The following SERPINB7 variants were observed in gnomAD, a reference collection of about 807,000 sequenced individuals.
SERPINB7 encodes serpin B7.
Under a neutral mutation model 37.4 loss-of-function variants are expected in SERPINB7, and 31 were observed. That is an observed-to-expected ratio of 0.83 (90% CI 0.62 to 1.12). The LOEUF is 1.12. Ranked by LOEUF, SERPINB7 falls within the 50% of genes most tolerant of loss-of-function variation. The pLI is 0.00. For synonymous variants in SERPINB7, 163 were observed against 166.1 expected, an observed-to-expected ratio of 0.98 and a Z score of 0.14; for missense variants, 521 against 455.3, an observed-to-expected ratio of 1.14 and a Z score of -1.31.
At chr18:63,784,596 C>T (rs964038614) in intron 2 of SERPINB7, among the ~76,000 whole-genome samples, 1 of 151,950 alleles carries the variant, frequency 6.6e-6, no homozygotes, top group Non-Finnish European at 1.5e-5. Flanking sequence ...GTTTCAGAAC[C>T]AAGTGAGATG....
chr18:63,766,038 T>A (rs2049179027), intron 1 of SERPINB7, among the ~76,000 whole-genome samples: 1 of 152,070 alleles, frequency 6.6e-6, no homozygotes, highest in East Asian at 1.9e-4. Flanking sequence ...CTGCTCTACC[T>A]CCTGCAGCCT....
At chr18:63,788,377 A>G (rs934152953) in intron 2 of SERPINB7, among the ~76,000 whole-genome samples, 1 of 152,234 alleles carries the variant, frequency 6.6e-6, no homozygotes, top group African/African-American at 2.4e-5. Context: ...AATTAAATAA[A>G]TACAGCTCAT....
intron 1 of SERPINB7, among the ~76,000 whole-genome samples, chr18:63,778,538 A>C (rs951915161): frequency 6.6e-6 from 1 of 152,180 alleles, no homozygotes; most frequent in Non-Finnish European, 1.5e-5. Flanking sequence ...TCAAGCATTT[A>C]AGGCACATAA....
At chr18:63,793,398 A>C in intron 4 of SERPINB7, 121 bp downstream of exon 4, 1 of 499,906 alleles carries the variant, frequency 2.0e-6, no homozygotes, top group Non-Finnish European at 3.6e-6. Context: ...GCTACTTATT[A>C]TGTTCTCAGA....
intron 1 of SERPINB7, among the ~76,000 whole-genome samples, chr18:63,769,184 G>A (rs1030034006): frequency 1.3e-5 from 2 of 151,984 alleles, no homozygotes; most frequent in East Asian, 1.9e-4. Context: ...AAAGAGAGAT[G>A]AACAGAAAAT....
At chr18:63,784,595 C>T (rs1175200491) in intron 2 of SERPINB7, among the ~76,000 whole-genome samples, 1 of 151,956 alleles carries the variant, frequency 6.6e-6, no homozygotes, top group African/African-American at 2.4e-5. Context: ...TGTTTCAGAA[C>T]CAAGTGAGAT....
At chr18:63,768,996 G>A (rs547713398) in intron 1 of SERPINB7, among the ~76,000 whole-genome samples, 10 of 152,244 alleles carry the variant, frequency 6.6e-5, no homozygotes, top group Admixed American at 3.9e-4. Flanking sequence ...TTTAACACCT[G>A]TTGAGGAATA....
At chr18:63,786,319 T>C (rs956771426) in intron 2 of SERPINB7, among the ~76,000 whole-genome samples, 1 of 150,122 alleles carries the variant, frequency 6.7e-6, no homozygotes, top group Admixed American at 6.7e-5. Flanking sequence ...GGATTATATA[T>C]GTATGAGAGC....
chr18:63,778,561 G>A (rs943257045), intron 1 of SERPINB7, among the ~76,000 whole-genome samples: 14 of 152,050 alleles, frequency 9.2e-5, no homozygotes, highest in African/African-American at 3.1e-4. Context: ...TATCAGTTAG[G>A]TGTAATAAGT....
chr18:63,803,772 C>G (rs995999857), intron 7 of SERPINB7, among the ~76,000 whole-genome samples: 24 of 152,194 alleles, frequency 1.6e-4, no homozygotes, highest in Non-Finnish European at 1.0e-4. Flanking sequence ...GCTCTGGCCT[C>G]CTTGCCTCAG....
chr18:63,791,368 C>T (rs930755716), intron 2 of SERPINB7, among the ~76,000 whole-genome samples: 2 of 151,966 alleles, frequency 1.3e-5, no homozygotes, highest in Non-Finnish European at 2.9e-5. Context: ...TGCTTTTTTG[C>T]ATAAAATGAC....
rs551269814 is a variant in SERPINB7, at chr18:63,794,551, G to A, written c.336+1274G>A. Among the ~76,000 whole-genome samples the A allele has an allele frequency of 6.6e-5, 10 of 152,160 alleles. No individual in the cohort carries two copies. The East Asian group carries it at 1.2e-3, about 18-fold the overall frequency. ...TAAAAATACAAAAAATTAGCCGGGC[G>A]CGGTGGCAGGCGCCTGTAGTCCCAG... On this transcript the variant is annotated intron_variant, in intron 4 of 7. Transcript: ENST00000398019.
In SERPINB7 at chr18:63,793,267, G is replaced by A. The variant is rs1351369937; in HGVS notation, c.326G>A (p.Gly109Asp). Residue 109 changes from glycine (G) to aspartate (D), a missense_variant, in exon 4 of 8, where the codon GGC becomes GAC. By Grantham distance (94) the Gly-to-Asp change is moderately conservative (BLOSUM62 -1). Transcript: ENST00000398019. ...VNGLFAEKVY[G>D]FHKDYIECAE... ...GGGCTTTTTGCTGAAAAAGTGTATG[G>A]CTTTCATAAGGTAAGTGAAACTGCC... 6.4e-7 allele frequency: 1 copy of A among 1,570,326 alleles called. No homozygotes were observed. The highest frequency in any genetic ancestry group is 2.3e-5 in the East Asian group (1 of 44,300).
intron 7 of SERPINB7, among the ~76,000 whole-genome samples, chr18:63,803,663 C>T (rs1231677192): frequency 6.6e-6 from 1 of 152,152 alleles, no homozygotes; most frequent in East Asian, 1.9e-4. Flanking sequence ...TCAGTTGCCT[C>T]ATCTGTTGAG....
chr18:63,794,305 T>G (rs1167464539), intron 4 of SERPINB7, among the ~76,000 whole-genome samples: 1 of 151,438 alleles, frequency 6.6e-6, no homozygotes, highest in Admixed American at 6.6e-5. Context: ...TCTATATAAC[T>G]ATCCTGTCCC....
At chr18:63,757,387 G>T (rs1048121234) in intron 1 of SERPINB7, among the ~76,000 whole-genome samples, 4 of 152,186 alleles carry the variant, frequency 2.6e-5, no homozygotes, top group African/African-American at 7.2e-5. Flanking sequence ...CAAAGCTTGT[G>T]AAAATCAAGA....
intron 1 of SERPINB7, among the ~76,000 whole-genome samples, chr18:63,778,962 AGT>A (rs2049276601): frequency 6.6e-6 from 1 of 152,202 alleles, no homozygotes; most frequent in Non-Finnish European, 1.5e-5. Flanking sequence ...ATAAGAATAT[AGT>A]ATATTTTTAG....
intron 1 of SERPINB7, among the ~76,000 whole-genome samples, chr18:63,762,508 G>A (rs1421085745): frequency 6.6e-6 from 1 of 152,150 alleles, no homozygotes; most frequent in Non-Finnish European, 1.5e-5. Context: ...TCCTGGATAT[G>A]CTTATGAGAT....
At chr18:63,763,944 C>T (rs921476069) in intron 1 of SERPINB7, among the ~76,000 whole-genome samples, 8 of 152,150 alleles carry the variant, frequency 5.3e-5, no homozygotes, top group Non-Finnish European at 1.0e-4. Context: ...CAGAAAAGAA[C>T]AAGTTCGACC....
Sources: gnomAD v4.1 joint callset for allele counts (sites outside exome capture counted in the v4.1 genomes callset) on GRCh38, gnomAD v4.1.1 for gene constraint, MANE v1.5 for transcripts, NCBI Gene and HGNC (gene_info 2026-07-23, HGNC 2026-07-21) for gene names.